Variants in SMIM13 observed in about 807,000 individuals in gnomAD.
SMIM13 encodes the protein small integral membrane protein 13.
SMIM13 carries 3 observed loss-of-function variants against 5.9 expected under a neutral mutation model. The ratio of observed to expected loss-of-function variants is 0.51; its 90% CI spans 0.23 to 1.31. The LOEUF (loss-of-function observed/expected upper bound fraction) is 1.31. SMIM13 is among the 40% of genes most tolerant of loss of function. The probability of loss-of-function intolerance (pLI) is 0.18; values close to 1 mark genes in which losing one functional copy is unlikely to be tolerated. For synonymous variants in SMIM13, 55 were observed against 46.0 expected (o/e 1.19, Z -0.79); for missense variants, 85 against 109.9 (o/e 0.77, Z 1.01).
chr6:11,123,694 TAATC>T (rs1758339685), intron 1 of SMIM13, among the ~76,000 whole-genome samples: 1 of 152,222 alleles, frequency 6.6e-6, no homozygotes, highest in African/African-American at 2.4e-5. Context: ...TGTTACATAA[TAATC>T]ATACATATTT....
intron 1 of SMIM13, among the ~76,000 whole-genome samples, chr6:11,118,981 A>G (rs766287731): frequency 5.9e-5 from 9 of 152,198 alleles, no homozygotes; most frequent in Non-Finnish European, 5.9e-5. Context: ...GCAGTCTAAC[A>G]TGCCTCTGAG....
At chr6:11,104,178 G>A (rs746582896) in intron 1 of SMIM13, 21 of 1,551,596 alleles carry the variant, frequency 1.4e-5, no homozygotes, top group Non-Finnish European at 1.8e-5. Context: ...ATAGGTGAGG[G>A]AAGCTTTTGT....
intron 1 of SMIM13, chr6:11,104,699 G>A (rs1758056914): frequency 1.2e-6 from 2 of 1,614,136 alleles, no homozygotes; most frequent in Non-Finnish European, 1.7e-6. Flanking sequence ...GGAACCAGAA[G>A]TTTCGAGTAC....
chr6:11,107,620 G>C (rs1758105818), intron 1 of SMIM13, among the ~76,000 whole-genome samples: 1 of 152,160 alleles, frequency 6.6e-6, no homozygotes, highest in African/African-American at 2.4e-5. Flanking sequence ...AGATACAAAA[G>C]AAAGAGTCTT....
intron 1 of SMIM13, among the ~76,000 whole-genome samples, chr6:11,127,516 G>A (rs893992228): frequency 3.3e-5 from 5 of 152,210 alleles, no homozygotes; most frequent in African/African-American, 1.2e-4. Context: ...ATTTACAAAA[G>A]AAAGAGGTTT....
chr6:11,110,852 A>T (rs561098310), intron 1 of SMIM13, among the ~76,000 whole-genome samples: 1 of 152,142 alleles, frequency 6.6e-6, no homozygotes, highest in Non-Finnish European at 1.5e-5. Context: ...CTTCCCCACA[A>T]AGGGGTGCTA....
chr6:11,108,816 T>C (rs1317619294), intron 1 of SMIM13, among the ~76,000 whole-genome samples: 5 of 152,184 alleles, frequency 3.3e-5, no homozygotes, highest in African/African-American at 4.8e-5. Context: ...GTTAGGGAAA[T>C]GATCCTTTAT....
Position 11,134,590 on chromosome 6 carries a change from A to C in SMIM13, c.264A>C (p.Arg88Ser). ...GGGCACCTGCTGATGAAGGCCACAG[A>C]CCCCTGACATAGTCCTGTACTTGTG... The part of the protein sequence containing the change: ...QRRAPADEGH[R>S]PLT Residue 88 changes from arginine (R) to serine (S), a missense_variant, in exon 2 of 2, where the codon AGA becomes AGC. Physicochemically the swap from Arg to Ser is moderately radical, Grantham distance 110. Coordinates refer to ENST00000416247, the MANE Select transcript of SMIM13 (RefSeq NM_001135575.2). 6.5e-7 allele frequency: 1 copy of C among 1,547,298 alleles called. No individual in the cohort carries two copies. The highest frequency in any genetic ancestry group is 2.4e-5 in the East Asian group (1 of 40,874).
intron 1 of SMIM13, among the ~76,000 whole-genome samples, chr6:11,099,734 C>T (rs1041590526): frequency 4.6e-5 from 7 of 152,206 alleles, no homozygotes; most frequent in African/African-American, 1.7e-4. Flanking sequence ...AATTCTGTTA[C>T]TCCAGTTCTC....
chr6:11,126,891 A>G (rs186175059), intron 1 of SMIM13, among the ~76,000 whole-genome samples: 63 of 152,318 alleles, frequency 4.1e-4, no homozygotes, highest in African/African-American at 1.5e-3. Context: ...GCAGACTTGT[A>G]GAGTCACCAC....
intron 1 of SMIM13, among the ~76,000 whole-genome samples, chr6:11,112,282 C>T (rs1455595859): frequency 2.0e-5 from 3 of 151,764 alleles, no homozygotes; most frequent in Non-Finnish European, 2.9e-5. Flanking sequence ...GAGACAGCCT[C>T]GCTCTGTCTC....
At chr6:11,111,388 G>A (rs565032682) in intron 1 of SMIM13, among the ~76,000 whole-genome samples, 2 of 152,306 alleles carry the variant, frequency 1.3e-5, no homozygotes, top group South Asian at 4.1e-4. Context: ...GGAAACCCCA[G>A]ATACTACATG....
intron 1 of SMIM13, among the ~76,000 whole-genome samples, chr6:11,131,748 C>T (rs1253429517): frequency 6.6e-6 from 1 of 152,092 alleles, no homozygotes; most frequent in Non-Finnish European, 1.5e-5. Context: ...TGAATTTGGA[C>T]CCCTCTCTTA....
chr6:11,097,649 CAA>C (rs1264485124), intron 1 of SMIM13, among the ~76,000 whole-genome samples: 1 of 138,128 alleles, frequency 7.2e-6, no homozygotes, highest in Non-Finnish European at 1.5e-5. Context: ...GCCTGGGTGA[CAA>C]GAGTGAAACT....
At chr6:11,123,027 G>C (rs886815965) in intron 1 of SMIM13, among the ~76,000 whole-genome samples, 1 of 152,118 alleles carries the variant, frequency 6.6e-6, no homozygotes, top group African/African-American at 2.4e-5. Flanking sequence ...GGGCAACAAA[G>C]CAAGACCCTA....
In SMIM13 at chr6:11,134,712, A is replaced by G; in HGVS notation, c.*110A>G. ...ACATTTGTATTGGATTTTAAGTCGA[A>G]TTTTAAAAAAGATTTACATGTAAGC... On this transcript the variant is annotated 3_prime_UTR_variant, in exon 2 of 2. Transcript: ENST00000416247. 4 of 879,896 alleles carry G rather than the reference A, an allele frequency of 4.5e-6. No individual in the cohort carries two copies. The highest frequency in any genetic ancestry group is 6.3e-6 in the Non-Finnish European group (4 of 630,508). 54.5% of individuals were successfully genotyped at this position (879,896 alleles called of 1,614,324 possible).
intron 1 of SMIM13, among the ~76,000 whole-genome samples, chr6:11,128,613 G>A (rs1758409264): frequency 6.6e-6 from 1 of 152,110 alleles, no homozygotes; most frequent in Non-Finnish European, 1.5e-5. Flanking sequence ...AGGAATTTTA[G>A]TCCTTGTGGC....
intron 1 of SMIM13, among the ~76,000 whole-genome samples, chr6:11,100,686 CTA>C (rs1160751356): frequency 6.6e-6 from 1 of 152,056 alleles, no homozygotes; most frequent in Non-Finnish European, 1.5e-5. Flanking sequence ...GAAAATGTCT[CTA>C]TTTATTTATA....
chr6:11,134,393 T>G lies in SMIM13; in HGVS notation c.77-10T>G. ...ATAACTTTTCTTAATGTTTTTGTCT[T>G]TCTCTGTAGGTTGGTATTTTGTATG... is the stretch of plus-strand genomic sequence containing the variant. On this transcript the variant is annotated splice_polypyrimidine_tract_variant and intron_variant, in intron 1 of 1. Transcript: ENST00000416247. 1 of 1,547,348 alleles carries G rather than the reference T, an allele frequency of 6.5e-7. No individual in the cohort carries two copies. The highest frequency in any genetic ancestry group is 8.7e-7 in the Non-Finnish European group (1 of 1,144,762).
Sources: gnomAD v4.1 joint callset for allele counts (sites outside exome capture counted in the v4.1 genomes callset) on GRCh38, gnomAD v4.1.1 for gene constraint, MANE v1.5 for transcripts, NCBI Gene and HGNC (gene_info 2026-07-23, HGNC 2026-07-21) for gene names.